CHFR: variants seen among roughly 807,000 people sequenced by gnomAD.
The protein encoded by CHFR is E3 ubiquitin-protein ligase CHFR.
CHFR carries 57 observed loss-of-function variants against 87.6 expected under a neutral mutation model. The observed-to-expected ratio is 0.65, with a 90% CI of 0.53 to 0.81. CHFR has a LOEUF of 0.81. Ranked by LOEUF, CHFR falls within the 30% of genes least tolerant of loss-of-function variation. The probability of loss-of-function intolerance (pLI) is 0.00; values close to 1 mark genes in which losing one functional copy is unlikely to be tolerated. For synonymous variants in CHFR, 381 were observed against 359.2 expected, an observed-to-expected ratio of 1.06 and a Z score of -0.69; for missense variants, 797 against 865.8, an observed-to-expected ratio of 0.92 and a Z score of 1.00.
intron 9 of CHFR, 104 bp from the exon 10 acceptor site, chr12:132,856,734 G>A (rs747879114): frequency 2.3e-6 from 3 of 1,315,524 alleles, no homozygotes; most frequent in Non-Finnish European, 3.3e-6. Context: ...CGGAAGGAGG[G>A]GTCTGGGCGG....
intron 7 of CHFR, among the ~76,000 whole-genome samples, chr12:132,859,470 C>T (rs1273640192): frequency 1.3e-5 from 2 of 152,084 alleles, no homozygotes; most frequent in Non-Finnish European, 2.9e-5. Context: ...CCTTCCTCAG[C>T]CTCCTGAGTA....
chr12:132,869,363 T>G (rs1233828884), intron 6 of CHFR, among the ~76,000 whole-genome samples: 1 of 152,118 alleles, frequency 6.6e-6, no homozygotes, highest in African/African-American at 2.4e-5. Flanking sequence ...ACACTTCGGC[T>G]GGATGACTTT....
At chr12:132,887,490 G>T (rs903754235) in intron 1 of CHFR, 57 bp downstream of exon 1, 1 of 327,356 alleles carries the variant, frequency 3.1e-6, no homozygotes, top group Non-Finnish European at 4.4e-6. Flanking sequence ...CCCTCCCACG[G>T]CCGCAACCAG....
At chr12:132,866,874 T>C (rs1396065287) in intron 6 of CHFR, 1 of 152,170 alleles carries the variant, frequency 6.6e-6, no homozygotes, top group Non-Finnish European at 1.5e-5. Flanking sequence ...CTACTAAAAA[T>C]ACAAAAATTT....
chr12:132,869,865 C>A (rs1015932144), intron 5 of CHFR, 67 bp from the exon 6 acceptor site: 26 of 1,519,458 alleles, frequency 1.7e-5, no homozygotes, highest in Non-Finnish European at 2.1e-5. Context: ...AAGCAGCACA[C>A]AACCAGGGCT....
intron 6 of CHFR, chr12:132,865,888 G>C (rs1010653728): frequency 3.9e-5 from 6 of 151,956 alleles, no homozygotes; most frequent in African/African-American, 1.5e-4. Context: ...TGCCCAAACT[G>C]GTCTTGAACT....
At chr12:132,862,570 C>T (rs1951238074) in intron 6 of CHFR, 1 of 316,156 alleles carries the variant, frequency 3.2e-6, no homozygotes, top group South Asian at 2.4e-5. Flanking sequence ...CATCACTCTC[C>T]CAACCTGCAC....
chr12:132,886,309 TCAAAAAAACAAA>T lies in CHFR; in HGVS notation c.133+875_133+886del, dbSNP rs546532214. Among the ~76,000 whole-genome samples, 62 of 143,706 alleles carry T rather than the reference TCAAAAAAACAAA, an allele frequency of 4.3e-4. 1 individual carries two copies. In the East Asian group the frequency reaches 9.7e-3, roughly 22 times the overall value. The allele number at this position is 143,706 out of a possible 152,430, so 94.3% of individuals were successfully genotyped here. A position where few individuals can be genotyped will look rare whatever the true frequency, so the allele number is the denominator to read the frequency against. ...TGGGCCACAGAGCAAGACTCTTATC[TCAAAAAAACAAA>T]CAAAAAAACAAAAAAAACCAGGTGC... is the stretch of plus-strand genomic sequence containing the variant. On this transcript the variant is annotated intron_variant, in intron 2 of 17. Coordinates refer to ENST00000450056, the MANE Select transcript of CHFR (RefSeq NM_001161346.2).
In CHFR at chr12:132,840,180, G is replaced by A. The variant is rs1281132291; in HGVS notation, c.*1374C>T. 1 of 152,508 alleles carries A rather than the reference G, an allele frequency of 6.6e-6. No homozygotes were observed. The highest frequency in any genetic ancestry group is 1.5e-5 in the Non-Finnish European group (1 of 68,194). 9.4% of individuals were successfully genotyped at this position (152,508 alleles called of 1,614,324 possible). ...TGGATGAACAGGTTGTGGCTTCCCA[G>A]CATTGGCAGAATGAAGAGACCTGAG... On this transcript the variant is annotated 3_prime_UTR_variant, in exon 18 of 18. Transcript: ENST00000450056.
chr12:132,837,203 A>C lies in CHFR; in HGVS notation c.*4351T>G. The C allele has an allele frequency of 4.1e-6, 1 of 245,670 alleles. No individual in the cohort carries two copies. The highest frequency in any genetic ancestry group is 4.8e-5 in the South Asian group (1 of 20,896). 15.2% of individuals were successfully genotyped at this position (245,670 alleles called of 1,614,324 possible). ...AGGGGTCATACATGCTGGGCCTTCA[A>C]GGGCCATGATATGGTTATCATTACT... is the stretch of plus-strand genomic sequence containing the variant. On this transcript the variant is annotated 3_prime_UTR_variant, in exon 18 of 18. Transcript: ENST00000450056.
At chr12:132,872,484 T>C (rs1172105333) in intron 3 of CHFR, 90 bp from the exon 4 acceptor site, 12 of 795,588 alleles carry the variant, frequency 1.5e-5, no homozygotes, top group African/African-American at 1.7e-5. Context: ...AGCAGCTCGA[T>C]ATGACCACTC....
intron 3 of CHFR, among the ~76,000 whole-genome samples, chr12:132,873,149 C>G (rs1951530046): frequency 2.6e-5 from 4 of 152,194 alleles, no homozygotes; most frequent in Admixed American, 2.6e-4. Flanking sequence ...AGCTCTGCAG[C>G]TTCACTCCCG....
At chr12:132,853,704 C>T (rs1032115826) in intron 10 of CHFR, 131 bp from the exon 11 acceptor site, 14 of 1,148,190 alleles carry the variant, frequency 1.2e-5, no homozygotes, top group Middle Eastern at 2.7e-4. Context: ...GGGGAAGGGC[C>T]GGGCCCCATT....
At chr12:132,859,267 G>A in intron 7 of CHFR, 40 bp from the exon 8 acceptor site, 1 of 1,577,534 alleles carries the variant, frequency 6.3e-7, no homozygotes, top group Non-Finnish European at 8.7e-7. Context: ...AACCAAGAAG[G>A]AAATACACGC....
At chr12:132,851,551 C>A in intron 12 of CHFR, 67 bp downstream of exon 12, 1 of 1,503,526 alleles carries the variant, frequency 6.7e-7, no homozygotes. Flanking sequence ...AGGCCAACAC[C>A]GCTTTGAAAC....
At chr12:132,849,372 C>A (rs2136936532) in intron 12 of CHFR, 1 of 152,064 alleles carries the variant, frequency 6.6e-6, no homozygotes, top group East Asian at 1.9e-4. Context: ...CGGCCTCAGA[C>A]CCGTATCGTT....
intron 12 of CHFR, among the ~76,000 whole-genome samples, chr12:132,850,958 T>C (rs1273627344): frequency 8.3e-6 from 1 of 120,912 alleles, no homozygotes; most frequent in Non-Finnish European, 1.7e-5. Context: ...TAACTGTATG[T>C]GTGTGCATAT....
At chr12:132,853,045 C>T (rs1950980844) in intron 11 of CHFR, among the ~76,000 whole-genome samples, 1 of 152,200 alleles carries the variant, frequency 6.6e-6, no homozygotes, top group Admixed American at 6.5e-5. Flanking sequence ...CTTCTGGTGA[C>T]ATCGCCACTG....
At chr12:132,876,576 T>C (rs1394036652) in intron 3 of CHFR, among the ~76,000 whole-genome samples, 6 of 152,216 alleles carry the variant, frequency 3.9e-5, no homozygotes, top group Admixed American at 2.0e-4. Flanking sequence ...AATGATTTTT[T>C]GATTTGAGGG....
Sources: gnomAD v4.1 joint callset for allele counts (sites outside exome capture counted in the v4.1 genomes callset) on GRCh38, gnomAD v4.1.1 for gene constraint, MANE v1.5 for transcripts, NCBI Gene and HGNC (gene_info 2026-07-23, HGNC 2026-07-21) for gene names.